The following CNTN5 variants were observed in gnomAD, a reference collection of about 807,000 sequenced individuals.
CNTN5 encodes the protein contactin-5.
Under a neutral mutation model 129.1 loss-of-function variants are expected in CNTN5, and 77 were observed. The ratio of observed to expected loss-of-function variants is 0.60; its 90% CI spans 0.50 to 0.72. The LOEUF (loss-of-function observed/expected upper bound fraction) is 0.72. CNTN5 is among the 30% of genes least tolerant of loss of function. CNTN5 has a pLI of 0.00. For missense variants in CNTN5, 1,478 were observed against 1,328.8 expected, an observed-to-expected ratio of 1.11 and a Z score of -1.75; for synonymous variants, 509 against 465.6, an observed-to-expected ratio of 1.09 and a Z score of -1.20.
chr11:99,260,448 G>A (rs1200160990), intron 1 of CNTN5, among the ~76,000 whole-genome samples: 4 of 151,700 alleles, frequency 2.6e-5, no homozygotes, highest in Non-Finnish European at 5.9e-5. Context: ...TATAGAAAGG[G>A]TAAAGTCAAT....
intron 3 of CNTN5, among the ~76,000 whole-genome samples, chr11:99,800,766 T>C (rs1483917569): frequency 3.9e-5 from 6 of 152,178 alleles, no homozygotes; most frequent in Non-Finnish European, 7.4e-5. Context: ...TTTCTAATTG[T>C]TTAACCGATC....
chr11:99,056,169 T>G (rs571755627), intron 1 of CNTN5, among the ~76,000 whole-genome samples: 11 of 151,946 alleles, frequency 7.2e-5, no homozygotes, highest in Non-Finnish European at 1.0e-4. Context: ...AACTATAAAC[T>G]TATTCACTGG....
chr11:100,288,399 A>C (rs1453787041), intron 18 of CNTN5, among the ~76,000 whole-genome samples: 2 of 152,226 alleles, frequency 1.3e-5, no homozygotes, highest in Non-Finnish European at 2.9e-5. Flanking sequence ...CAGAAATTAT[A>C]ACAAACTATC....
At chr11:99,741,120 G>C (rs893386285) in intron 3 of CNTN5, among the ~76,000 whole-genome samples, 1 of 152,014 alleles carries the variant, frequency 6.6e-6, no homozygotes, top group Non-Finnish European at 1.5e-5. Context: ...TACTATCTAA[G>C]TCTGAATCAG....
At position 99,719,966 on chromosome 11, in the gene CNTN5, A is replaced by G. The variant is rs192740046; in HGVS notation, c.56-99578A>G. 2.0e-5 allele frequency among the ~76,000 whole-genome samples: 3 copies of G among 152,252 alleles called. No homozygotes were observed. In the East Asian group the frequency reaches 5.8e-4, roughly 29 times the overall value. On this transcript the variant is annotated intron_variant, in intron 3 of 24. Transcript: ENST00000524871. ...AATTACTGGACACATACACTCTCCT[A>G]AGACTGAGCTAGGTAGAAATCAATT...
At chr11:99,773,590 G>C (rs558247063) in intron 3 of CNTN5, among the ~76,000 whole-genome samples, 7 of 151,330 alleles carry the variant, frequency 4.6e-5, no homozygotes, top group Admixed American at 4.0e-4. Context: ...CTTACACATA[G>C]GAAAAAAAAT....
At chr11:100,183,370 A>T (rs956060281) in intron 13 of CNTN5, among the ~76,000 whole-genome samples, 8 of 152,076 alleles carry the variant, frequency 5.3e-5, no homozygotes, top group African/African-American at 1.9e-4. Context: ...AGGTAAATGG[A>T]TAAACAAATT....
At chr11:99,305,246 C>A (rs1229563639) in intron 1 of CNTN5, among the ~76,000 whole-genome samples, 3 of 152,114 alleles carry the variant, frequency 2.0e-5, no homozygotes, top group Non-Finnish European at 4.4e-5. Flanking sequence ...AAAAAGAATA[C>A]ATGAATAAAT....
chr11:100,254,081 T>A (rs935047209), intron 16 of CNTN5, among the ~76,000 whole-genome samples: 2 of 152,172 alleles, frequency 1.3e-5, no homozygotes, highest in African/African-American at 2.4e-5. Context: ...CTCCCAAGCC[T>A]GAATGGACCC....
rs183677301 is a variant in CNTN5 at position 99,894,091 on chromosome 11, T to G, written c.578-21963T>G. On this transcript the variant is annotated intron_variant, in intron 6 of 24. Coordinates refer to ENST00000524871, the MANE Select transcript of CNTN5 (RefSeq NM_014361.4). The stretch of plus-strand genomic sequence containing the variant: ...AGATGAAAATAAAATTATCTCTTCC[T>G]GCTGTTGCTATAGTGACTGCTGTAC... 1.1e-4 allele frequency among the ~76,000 whole-genome samples: 16 copies of G among 152,268 alleles called. No individual in the cohort carries two copies. The East Asian group carries it at 2.9e-3, about 28-fold the overall frequency.
chr11:99,324,761 C>T (rs1865710023), intron 1 of CNTN5, among the ~76,000 whole-genome samples: 1 of 152,120 alleles, frequency 6.6e-6, no homozygotes, highest in African/African-American at 2.4e-5. Flanking sequence ...CCTGCCTCAG[C>T]CTCCCAAGTA....
At chr11:99,511,537 G>A (rs1433862779) in intron 2 of CNTN5, among the ~76,000 whole-genome samples, 1 of 152,036 alleles carries the variant, frequency 6.6e-6, no homozygotes, top group Admixed American at 6.6e-5. Context: ...GGGGTGGAGA[G>A]TTCTGTAGAT....
intron 3 of CNTN5, among the ~76,000 whole-genome samples, chr11:99,656,477 C>A (rs1195400080): frequency 6.6e-6 from 1 of 152,096 alleles, no homozygotes; most frequent in African/African-American, 2.4e-5. Flanking sequence ...AAGCTAAATG[C>A]CTGCCCTTTA....
chr11:99,899,311 A>G (rs780325857), intron 6 of CNTN5, among the ~76,000 whole-genome samples: 7 of 152,028 alleles, frequency 4.6e-5, no homozygotes, highest in African/African-American at 1.4e-4. Context: ...CCCAGTTCTT[A>G]GTGAAAATGG....
intron 2 of CNTN5, among the ~76,000 whole-genome samples, chr11:99,385,339 C>T (rs1940861193): frequency 6.6e-6 from 1 of 151,976 alleles, no homozygotes. Context: ...CTGCCAGTCT[C>T]AAAAGTAATG....
intron 3 of CNTN5, among the ~76,000 whole-genome samples, chr11:99,718,029 TGC>T (rs1491517526): frequency 6.6e-6 from 1 of 152,122 alleles, no homozygotes; most frequent in African/African-American, 2.4e-5. Flanking sequence ...AATTATAAAT[TGC>T]CTCATTCTGA....
chr11:100,097,382 G>A (rs1945043949), intron 13 of CNTN5, among the ~76,000 whole-genome samples: 1 of 151,996 alleles, frequency 6.6e-6, no homozygotes, highest in African/African-American at 2.4e-5. Context: ...TGTATAATAA[G>A]AATCAGCTTT....
At chr11:99,958,314 A>G (rs1950855938) in intron 8 of CNTN5, among the ~76,000 whole-genome samples, 1 of 152,252 alleles carries the variant, frequency 6.6e-6, no homozygotes, top group South Asian at 2.1e-4. Context: ...TTAATGAATT[A>G]CAGGCTTTGG....
In CNTN5 at chr11:99,033,478, C is replaced by T. The variant is rs1427818434; in HGVS notation, c.-210+12208C>T. On this transcript the variant is annotated intron_variant, in intron 1 of 24. Coordinates refer to ENST00000524871, the MANE Select transcript of CNTN5 (RefSeq NM_014361.4). ...GTTTGTAGTTCTCCTTGAAGAGGTCCTTCACATCCGTTGTAAGTTGGATTC... is the reference window on the plus strand; with the variant it reads ...GTTTGTAGTTCTCCTTGAAGAGGTCTTTCACATCCGTTGTAAGTTGGATTC... Among the ~76,000 whole-genome samples, 7 of 152,242 alleles carry T rather than the reference C, an allele frequency of 4.6e-5. No individual in the cohort carries two copies. In the East Asian group the frequency reaches 1.4e-3, roughly 29 times the overall value.
Sources: gnomAD v4.1 joint callset for allele counts (sites outside exome capture counted in the v4.1 genomes callset) on GRCh38, gnomAD v4.1.1 for gene constraint, MANE v1.5 for transcripts, NCBI Gene and HGNC (gene_info 2026-07-23, HGNC 2026-07-21) for gene names.